EIF4E3: variants seen among roughly 807,000 people sequenced by gnomAD.
The protein encoded by EIF4E3 is eukaryotic translation initiation factor 4E family member 3, also known as eukaryotic translation initiation factor 4E type 3.
Under a neutral mutation model 31.7 loss-of-function variants are expected in EIF4E3, and 26 were observed. The observed-to-expected ratio is 0.82, with a 90% CI of 0.60 to 1.14. The LOEUF (loss-of-function observed/expected upper bound fraction) is 1.14. Among genes scored for constraint, EIF4E3 ranks in the 50% most tolerant of loss-of-function variants. The pLI is 0.00. For synonymous variants in EIF4E3, 128 were observed against 107.7 expected, an observed-to-expected ratio of 1.19 and a Z score of -1.17; for missense variants, 304 against 270.9, an observed-to-expected ratio of 1.12 and a Z score of -0.86.
rs542476655 is a variant in EIF4E3, at chr3:71,739,808, G to T, written c.-290-11185C>A. On this transcript the variant is annotated intron_variant, in intron 1 of 7. Coordinates refer to the EIF4E3 transcript ENST00000295612. ...GGGCACTGGAAATGATAACCACATG[G>T]GTAAAATATAACATAATTTTGGTAT... is the stretch of plus-strand genomic sequence containing the variant. Among the ~76,000 whole-genome samples the T allele has an allele frequency of 2.0e-5, 3 of 151,780 alleles. No individual in the cohort carries two copies. In the South Asian group the frequency reaches 6.2e-4, roughly 32 times the overall value.
chr3:71,722,687 T>G (rs1318376666), intron 1 of EIF4E3, among the ~76,000 whole-genome samples: 1 of 152,216 alleles, frequency 6.6e-6, no homozygotes, highest in East Asian at 1.9e-4. Flanking sequence ...ACAGAGGAGT[T>G]CTCCAACTCA....
intron 1 of EIF4E3, among the ~76,000 whole-genome samples, chr3:71,732,053 TCCCGAAGACAGG>T (rs753604068): frequency 1.3e-5 from 2 of 152,172 alleles, no homozygotes; most frequent in African/African-American, 2.4e-5. Flanking sequence ...CAACATGAGC[TCCCGAAGACAGG>T]CCTGGGCCCA....
the EIF4E3 span, among the ~76,000 whole-genome samples, chr3:71,667,120 A>C: frequency 6.6e-6 from 1 of 152,232 alleles, no homozygotes; most frequent in Non-Finnish European, 1.5e-5. Flanking sequence ...AATAAATGTA[A>C]TCCATCACAT....
intron 1 of EIF4E3, among the ~76,000 whole-genome samples, chr3:71,720,083 T>C (rs888117825): frequency 4.6e-5 from 7 of 151,968 alleles, no homozygotes; most frequent in African/African-American, 1.7e-4. Context: ...TATATGAATG[T>C]ATACCATAAT....
At chr3:71,732,151 A>G (rs1000816704) in intron 1 of EIF4E3, among the ~76,000 whole-genome samples, 2 of 152,108 alleles carry the variant, frequency 1.3e-5, no homozygotes, top group African/African-American at 4.8e-5. Context: ...TGAATCAATG[A>G]TGGGCTTACT....
chr3:71,710,662 G>A (rs2049365509), intron 1 of EIF4E3, among the ~76,000 whole-genome samples, 178 bp from the exon 2 acceptor site: 1 of 152,142 alleles, frequency 6.6e-6, no homozygotes, highest in Non-Finnish European at 1.5e-5. Flanking sequence ...GTGAAGTCAT[G>A]TGTTGGCTTC....
chr3:71,669,485 T>C, the EIF4E3 span, among the ~76,000 whole-genome samples: 1 of 152,218 alleles, frequency 6.6e-6, no homozygotes, highest in East Asian at 1.9e-4. Flanking sequence ...AATTGAATTT[T>C]TGAACTAAGT....
chr3:71,725,145 C>T lies in EIF4E3; in HGVS notation c.176+47G>A. 1 of 1,037,080 alleles carries T rather than the reference C, an allele frequency of 9.6e-7. No homozygotes were observed. The allele number at this position is 1,037,080 out of a possible 1,614,324, so 64.2% of individuals were successfully genotyped here. ...CGCCGAGACAAAGCGGCGGTGGCGGCAGGACCCGGGTCGGGGCCGTGCGCG... is the reference window on the plus strand; with the variant it reads ...CGCCGAGACAAAGCGGCGGTGGCGGTAGGACCCGGGTCGGGGCCGTGCGCG... On this transcript the variant is annotated intron_variant, in intron 1 of 6. Coordinates refer to ENST00000425534, the MANE Select transcript of EIF4E3 (RefSeq NM_001134651.2). The surrounding 1 kb of genome is among the most constrained non-coding windows in gnomAD (Gnocchi z 6.1).
intron 1 of EIF4E3, among the ~76,000 whole-genome samples, chr3:71,724,577 C>G (rs1559607700): frequency 6.6e-6 from 1 of 152,192 alleles, no homozygotes; most frequent in Non-Finnish European, 1.5e-5. Context: ...AGCTGCTGCT[C>G]ATTATTGAAT....
At chr3:71,753,062 G>C (rs952432184) in intron 1 of EIF4E3, among the ~76,000 whole-genome samples, 1 of 152,122 alleles carries the variant, frequency 6.6e-6, no homozygotes, top group Non-Finnish European at 1.5e-5. Flanking sequence ...GGGATGCTGC[G>C]GAGTCGCTGT....
rs777426461 is a variant in EIF4E3, at chr3:71,685,933, T to C, written c.629-1205A>G. Among the ~76,000 whole-genome samples, 80 of 152,308 alleles carry C rather than the reference T, an allele frequency of 5.3e-4. 1 individual carries two copies. Among genetic ancestry groups the C allele is most frequent in the Non-Finnish European group, 4.1e-4 (28 of 68,022 alleles). On this transcript the variant is annotated intron_variant, in intron 6 of 6. Transcript: ENST00000425534. ...GTGAATGGGGTTCTAGGGAGGCAGA[T>C]GGGCTGGCCCATTTCACCTTTTAAG...
upstream of EIF4E3, among the ~76,000 whole-genome samples, chr3:71,725,903 G>T (rs529972335): frequency 2.7e-3 from 410 of 152,242 alleles, no homozygotes; most frequent in African/African-American, 8.8e-3. The surrounding 1 kb of genome is among the most constrained non-coding windows in gnomAD (Gnocchi z 6.1). Flanking sequence ...CTGGAGGAGA[G>T]AAGGAGGGAT....
In EIF4E3 at chr3:71,696,524, G is replaced by C. The variant is rs774014261; in HGVS notation, c.345-4C>G. The C allele has an allele frequency of 6.2e-7, 1 of 1,613,780 alleles. No individual in the cohort carries two copies. Among genetic ancestry groups the C allele is most frequent in the East Asian group, 2.2e-5 (1 of 44,872 alleles). On this transcript the variant is annotated splice_polypyrimidine_tract_variant and splice_region_variant and intron_variant, in intron 3 of 6. Transcript: ENST00000425534. ...CTTTGCATTACTCTCCTCTTCCCTG[G>C]GCCAAAGACCAACGTTTAAAGTTAC...
chr3:71,754,126 G>A, upstream of EIF4E3: 7 of 1,442,810 alleles, frequency 4.9e-6, no homozygotes, highest in Non-Finnish European at 5.5e-6. The surrounding 1 kb of genome is among the most constrained non-coding windows in gnomAD (Gnocchi z 5.8). Context: ...GCCACGCTCA[G>A]CCTGCTGCTG....
At position 71,684,572 on chromosome 3, in the gene EIF4E3, T is replaced by A; in HGVS notation, c.*110A>T. On this transcript the variant is annotated 3_prime_UTR_variant, in exon 7 of 7. Coordinates refer to ENST00000425534, the MANE Select transcript of EIF4E3 (RefSeq NM_001134651.2). ...CCCATCTGCAAGGACAGAAACCCAC[T>A]CTAAATTGACCAGCATCGGCTTCGG... 3 of 1,325,560 alleles carry A rather than the reference T, an allele frequency of 2.3e-6. No homozygotes were observed. Among genetic ancestry groups the A allele is most frequent in the Non-Finnish European group, 1.1e-6 (1 of 947,388 alleles). The allele number at this position is 1,325,560 out of a possible 1,614,324, so 82.1% of individuals were successfully genotyped here. A position where few individuals can be genotyped will look rare whatever the true frequency, so the allele number is the denominator to read the frequency against.
chr3:71,751,593 T>C (rs2049929752), intron 1 of EIF4E3, among the ~76,000 whole-genome samples: 2 of 152,214 alleles, frequency 1.3e-5, no homozygotes, highest in African/African-American at 4.8e-5. Context: ...TCTACAGCCA[T>C]GGGTCTAACT....
intron 1 of EIF4E3, among the ~76,000 whole-genome samples, chr3:71,736,668 A>G (rs551508500): frequency 1.3e-5 from 2 of 152,362 alleles, no homozygotes; most frequent in South Asian, 4.1e-4. Context: ...GAAGGAATGA[A>G]TAGGCGGAGC....
chr3:71,671,113 C>G (rs1182619074), downstream of EIF4E3, among the ~76,000 whole-genome samples: 1 of 152,066 alleles, frequency 6.6e-6, no homozygotes, highest in African/African-American at 2.4e-5. Flanking sequence ...GCCTGGGAAC[C>G]CTTAATCTAG....
chr3:71,662,136 G>A, the EIF4E3 span, among the ~76,000 whole-genome samples: 1 of 152,036 alleles, frequency 6.6e-6, no homozygotes, highest in Non-Finnish European at 1.5e-5. Context: ...ACAAACACTG[G>A]CCTCCACCTC....
Sources: gnomAD v4.1 joint callset for allele counts (sites outside exome capture counted in the v4.1 genomes callset) on GRCh38, gnomAD v4.1.1 for gene constraint, Gnocchi (gnomAD v3.1) non-coding constraint, MANE v1.5 for transcripts, NCBI Gene and HGNC (gene_info 2026-07-23, HGNC 2026-07-21) for gene names.